DLG3: variants seen among roughly 807,000 people sequenced by gnomAD.
DLG3 encodes disks large homolog 3.
Under a neutral mutation model 64.1 loss-of-function variants are expected in DLG3, and 1 was observed. The observed-to-expected ratio is 0.02, with a 90% CI of 0.01 to 0.07. The LOEUF (loss-of-function observed/expected upper bound fraction) is 0.07, where lower values mean the gene tolerates loss of function less well. Among genes scored for constraint, DLG3 ranks in the 10% least tolerant of loss-of-function variants. The probability of loss-of-function intolerance (pLI) is 1.00; values close to 1 mark genes in which losing one functional copy is unlikely to be tolerated. For missense variants in DLG3, 429 were observed against 669.5 expected (o/e 0.64, Z 3.96); for synonymous variants, 245 against 259.8 (o/e 0.94, Z 0.55).
At chrX:70,483,071 A>G (rs2087193506) in intron 10 of DLG3, among the ~76,000 whole-genome samples, 1 of 110,930 alleles carries the variant, frequency 9.0e-6, no homozygotes, top group Admixed American at 9.6e-5. Context: ...GCTTGAGCCC[A>G]GGAGTTCGAG....
At chrX:70,475,281 T>A (rs943378241) in intron 9 of DLG3, among the ~76,000 whole-genome samples, 3 of 112,539 alleles carry the variant, frequency 2.7e-5, no homozygotes, top group African/African-American at 9.7e-5. Context: ...TATGACTGAA[T>A]AAATTATGGT....
At chrX:70,474,970 A>G (rs1290015041) in intron 9 of DLG3, among the ~76,000 whole-genome samples, 1 of 111,411 alleles carries the variant, frequency 9.0e-6, no homozygotes. Context: ...CAAAAATTTT[A>G]ATTTGCATAT....
Position 70,485,919 on chromosome X carries a change from C to T in DLG3, c.1521-6188C>T, listed in dbSNP as rs191586397. Among the ~76,000 whole-genome samples, 41 of 111,388 alleles carry T rather than the reference C, an allele frequency of 3.7e-4. 1 individual carries two copies. The highest frequency in any genetic ancestry group is 3.4e-3 in the Admixed American group (35 of 10,421). On this transcript the variant is annotated intron_variant, in intron 10 of 18. Coordinates refer to ENST00000374360, the MANE Select transcript of DLG3 (RefSeq NM_021120.4). The stretch of plus-strand genomic sequence containing the variant: ...CTGTGGGTGGGTGCATGCATCCCTT[C>T]GAGGATATTTTTAAAGGTCACCTCT...
At chrX:70,468,786 A>G (rs1239769123) in intron 9 of DLG3, among the ~76,000 whole-genome samples, 2 of 112,030 alleles carry the variant, frequency 1.8e-5, no homozygotes, top group Non-Finnish European at 3.8e-5. Context: ...TTACCCAAAG[A>G]GTTTAGAATT....
At chrX:70,456,346 T>C (rs1225363947) in intron 9 of DLG3, among the ~76,000 whole-genome samples, 6 of 112,533 alleles carry the variant, frequency 5.3e-5, no homozygotes, top group Non-Finnish European at 1.1e-4. Flanking sequence ...TGCGTATTTG[T>C]GTGTGTATGT....
At chrX:70,472,716 G>A (rs971108221) in intron 9 of DLG3, among the ~76,000 whole-genome samples, 1 of 112,202 alleles carries the variant, frequency 8.9e-6, no homozygotes, top group African/African-American at 3.2e-5. Context: ...TGCTTCGTCT[G>A]TCAAGAAACT....
intron 9 of DLG3, among the ~76,000 whole-genome samples, chrX:70,457,574 CTT>C (rs61405424): frequency 1.0e-5 from 1 of 99,596 alleles, no homozygotes. Flanking sequence ...CGTTTTAGGA[CTT>C]TTTTTTTTTT....
At chrX:70,457,145 G>A (rs2086723630) in intron 9 of DLG3, among the ~76,000 whole-genome samples, 1 of 112,143 alleles carries the variant, frequency 8.9e-6, no homozygotes, top group Admixed American at 9.4e-5. Flanking sequence ...GTTGCTGAAG[G>A]TCAGCATCAG....
chrX:70,472,504 G>A (rs1413387170), intron 9 of DLG3, among the ~76,000 whole-genome samples: 2 of 110,364 alleles, frequency 1.8e-5, no homozygotes, highest in Non-Finnish European at 3.8e-5. Context: ...GCAGTGAGCC[G>A]AGATCACACC....
In DLG3 at chrX:70,479,006, G is replaced by C; in HGVS notation, c.1406-144G>C. The C allele has an allele frequency of 1.6e-5, 8 of 505,714 alleles. No individual in the cohort carries two copies. The South Asian group carries it at 2.3e-4, about 14-fold the overall frequency. 41.7% of individuals were successfully genotyped at this position (505,714 alleles called of 1,213,427 possible). On this transcript the variant is annotated intron_variant, in intron 9 of 18. Coordinates refer to ENST00000374360, the MANE Select transcript of DLG3 (RefSeq NM_021120.4). ...TTCTGTGCTTAGGAGGAGGGACTTT[G>C]CTTATCAAAGCAAAGACTGAGTGGG...
intron 9 of DLG3, among the ~76,000 whole-genome samples, chrX:70,471,929 A>T (rs1296265090): frequency 9.0e-6 from 1 of 111,125 alleles, no homozygotes; most frequent in African/African-American, 3.3e-5. Flanking sequence ...TCTGTCTTAC[A>T]CTCCCAGAAT....
At position 70,452,277 on chromosome X, in the gene DLG3, TAAAG is replaced by T. The variant is rs1455865320; in HGVS notation, c.1145+256_1145+259del. On this transcript the variant is annotated intron_variant, in intron 7 of 18. Coordinates refer to ENST00000374360, the MANE Select transcript of DLG3 (RefSeq NM_021120.4). ...AGTGGCCCCGGTCCAAAAGTGCAGA[TAAAG>T]AAAGGATGGGGTGGAGCGTTTAGGG... The T allele has an allele frequency of 2.8e-6, 3 of 1,058,526 alleles. No individual in the cohort carries two copies. The African/African-American group carries it at 5.7e-5, about 20-fold the overall frequency. 87.2% of individuals were successfully genotyped at this position (1,058,526 alleles called of 1,213,427 possible).
At chrX:70,465,343 A>G (rs1219635464) in intron 9 of DLG3, among the ~76,000 whole-genome samples, 2 of 111,904 alleles carry the variant, frequency 1.8e-5, no homozygotes, top group Non-Finnish European at 3.8e-5. Context: ...TGGTGATAAT[A>G]TGTTTAACTG....
intron 14 of DLG3, among the ~76,000 whole-genome samples, chrX:70,498,914 A>T (rs1416022729): frequency 3.6e-5 from 4 of 112,513 alleles, no homozygotes; most frequent in Non-Finnish European, 7.5e-5. Context: ...AACCTTGCTC[A>T]GTTACTGGTG....
In DLG3 at chrX:70,450,968, C is replaced by T. The variant is rs904674373; in HGVS notation, c.985+185C>T. On this transcript the variant is annotated intron_variant, in intron 6 of 18. Transcript: ENST00000374360. ...TTGAAAACTTTGCTCAGTACCCCAT[C>T]GTGAAGACTTGCCATAGAGTCAGCA... 1.2e-5 allele frequency: 6 copies of T among 519,561 alleles called. No individual in the cohort carries two copies. The South Asian group carries it at 1.6e-4, about 14-fold the overall frequency. The allele number at this position is 519,561 out of a possible 1,213,427, so 42.8% of individuals were successfully genotyped here.
intron 10 of DLG3, among the ~76,000 whole-genome samples, chrX:70,489,056 A>G (rs775306185): frequency 8.9e-6 from 1 of 112,036 alleles, no homozygotes; most frequent in South Asian, 3.7e-4. Flanking sequence ...CGTGTTCCTC[A>G]TCTGAAGTAA....
chrX:70,453,296 G>T (rs2086646473), intron 7 of DLG3: 1 of 233,044 alleles, frequency 4.3e-6, no homozygotes, highest in African/African-American at 2.9e-5. Flanking sequence ...GGGTTGGTAG[G>T]ATAGGAGAAT....
intron 10 of DLG3, among the ~76,000 whole-genome samples, chrX:70,488,474 G>A (rs1244178066): frequency 8.9e-6 from 1 of 111,973 alleles, no homozygotes; most frequent in Non-Finnish European, 1.9e-5. Context: ...AAATTTTCTA[G>A]CTTAGTCAAA....
intron 13 of DLG3, among the ~76,000 whole-genome samples, chrX:70,496,070 C>G (rs2087449087): frequency 8.9e-6 from 1 of 112,160 alleles, no homozygotes; most frequent in Admixed American, 9.4e-5. Flanking sequence ...CAGGAAAACT[C>G]CAACCTCATT....
Sources: gnomAD v4.1 joint callset for allele counts (sites outside exome capture counted in the v4.1 genomes callset) on GRCh38, gnomAD v4.1.1 for gene constraint, MANE v1.5 for transcripts, NCBI Gene and HGNC (gene_info 2026-07-23, HGNC 2026-07-21) for gene names.